Variants in LNX2 observed in about 807,000 individuals in gnomAD.
LNX2 encodes the protein ligand of Numb protein X 2.
A neutral mutation model predicts 66.2 loss-of-function variants in LNX2; 35 were observed. That is an observed-to-expected ratio of 0.53 (90% CI 0.40 to 0.70). The LOEUF (loss-of-function observed/expected upper bound fraction) is 0.70, where lower values mean the gene tolerates loss of function less well. Ranked by LOEUF, LNX2 falls within the 30% of genes least tolerant of loss-of-function variation. The pLI is 0.00. For missense variants in LNX2, 791 were observed against 850.8 expected (o/e 0.93, Z 0.87); for synonymous variants, 337 against 315.6 (o/e 1.07, Z -0.72).
intron 1 of LNX2, among the ~76,000 whole-genome samples, chr13:27,619,958 C>T (rs756448780): frequency 2.5e-4 from 38 of 152,178 alleles, no homozygotes; most frequent in Non-Finnish European, 4.6e-4. Flanking sequence ...CCGATAAAGG[C>T]AGCTAGTGCC....
intron 2 of LNX2, among the ~76,000 whole-genome samples, chr13:27,575,915 A>G (rs1279018243): frequency 6.6e-6 from 1 of 152,226 alleles, no homozygotes; most frequent in Admixed American, 6.5e-5. Flanking sequence ...AATGGAAGAA[A>G]TGGAGGAAAA....
intron 1 of LNX2, among the ~76,000 whole-genome samples, chr13:27,583,571 T>G (rs896536544): frequency 6.6e-6 from 1 of 152,028 alleles, no homozygotes; most frequent in African/African-American, 2.4e-5. Context: ...ATATAACTCT[T>G]AGAGCAGCCT....
intron 7 of LNX2, 138 bp downstream of exon 7, chr13:27,556,098 C>T (rs1955056667): frequency 1.3e-6 from 1 of 788,910 alleles, no homozygotes; most frequent in Non-Finnish European, 2.0e-6. Context: ...TGACTTTATG[C>T]TTCCATATGC....
At chr13:27,584,842 G>A (rs1030381251) in intron 1 of LNX2, among the ~76,000 whole-genome samples, 1 of 152,194 alleles carries the variant, frequency 6.6e-6, no homozygotes, top group Non-Finnish European at 1.5e-5. Context: ...GCAAGGCTGG[G>A]CACGGTGGCT....
At position 27,567,815 on chromosome 13, in the gene LNX2, G is replaced by A; in HGVS notation, c.680C>T (p.Pro227Leu). ...TTCAATCGTGGTGATTTCTCCTTCT[G>A]GTAAACTAAGTGGCTGTTGTGTGGC... Reference protein sequence around the residue: ...ADTTQQPLSLPEGEITTIEIH... With the variant: ...ADTTQQPLSLLEGEITTIEIH... The change falls in exon 4 of 10, where the codon CCA (proline) becomes CTA (leucine). Residue 227 changes from proline to leucine, a missense_variant. Pro to Leu is a moderately conservative substitution (Grantham distance 98). Coordinates refer to ENST00000316334, the MANE Select transcript of LNX2 (RefSeq NM_153371.4). 1.9e-6 allele frequency: 3 copies of A among 1,613,872 alleles called. No individual in the cohort carries two copies. The highest frequency in any genetic ancestry group is 1.7e-6 in the Non-Finnish European group (2 of 1,179,926).
rs56812051 is a variant in LNX2, at chr13:27,588,021, C to CAAAAAAAA, written c.-100-6226_-100-6219dup. On this transcript the variant is annotated intron_variant, in intron 1 of 9. Coordinates refer to ENST00000316334, the MANE Select transcript of LNX2 (RefSeq NM_153371.4). ...GGGCAAGAGTGCGAGACTCTTGTCA[C>CAAAAAAAA]AAAAAAAAAAAAAAAAAAAAAAAAA... 1.1e-3 allele frequency among the ~76,000 whole-genome samples: 104 copies of CAAAAAAAA among 93,490 alleles called. 4 individuals carry two copies. The highest frequency in any genetic ancestry group is 3.4e-3 in the African/African-American group (90 of 26,282). The allele number at this position is 93,490 out of a possible 152,430, so 61.3% of individuals were successfully genotyped here. A position where few individuals can be genotyped will look rare whatever the true frequency, so the allele number is the denominator to read the frequency against.
intron 1 of LNX2, among the ~76,000 whole-genome samples, chr13:27,589,642 G>C (rs759651526): frequency 2.6e-5 from 4 of 152,156 alleles, no homozygotes; most frequent in African/African-American, 9.6e-5. Context: ...AGTGCAAAGT[G>C]ATCAAGGCAA....
chr13:27,577,794 A>T (rs966281025), intron 2 of LNX2, among the ~76,000 whole-genome samples: 7 of 152,220 alleles, frequency 4.6e-5, no homozygotes, highest in Non-Finnish European at 7.3e-5. Flanking sequence ...AACAACAACA[A>T]CAACTAGCAC....
chr13:27,605,074 T>C (rs992988281), intron 1 of LNX2, among the ~76,000 whole-genome samples: 3 of 152,102 alleles, frequency 2.0e-5, no homozygotes. Context: ...TTTTTCCGGG[T>C]CCAGTCTCTG....
Position 27,548,393 on chromosome 13 carries a change from T to C in LNX2, c.2015A>G (p.Lys672Arg), listed in dbSNP as rs1200886663. ...MSHSALVPMLKEQRNKVTLTV... is the reference protein window; with the variant it reads ...MSHSALVPMLREQRNKVTLTV... ...CAGAGTGACTTTGTTCCTCTGCTCC[T>C]TCAACATGGGAACTAGTGCAGAGTG... The change falls in exon 10 of 10, where the codon AAG becomes AGG. Residue 672 changes from lysine (K) to arginine (R), a missense_variant. Lys to Arg is a conservative substitution (Grantham distance 26). Coordinates refer to ENST00000316334, the MANE Select transcript of LNX2 (RefSeq NM_153371.4). 9 of 1,614,144 alleles carry C rather than the reference T, an allele frequency of 5.6e-6. No homozygotes were observed. The highest frequency in any genetic ancestry group is 7.6e-6 in the Non-Finnish European group (9 of 1,179,968).
chr13:27,578,667 G>A (rs146043553), intron 2 of LNX2, among the ~76,000 whole-genome samples: 1 of 152,290 alleles, frequency 6.6e-6, no homozygotes, highest in Non-Finnish European at 1.5e-5. Flanking sequence ...CCCTGAGGCT[G>A]TCATGCTGGG....
intron 1 of LNX2, among the ~76,000 whole-genome samples, chr13:27,619,696 G>A (rs908497442): frequency 9.2e-5 from 14 of 152,278 alleles, no homozygotes; most frequent in East Asian, 3.9e-4. Flanking sequence ...AATACTAAAA[G>A]AAACACTACA....
intron 6 of LNX2, among the ~76,000 whole-genome samples, chr13:27,559,073 T>G (rs980875175): frequency 1.1e-4 from 16 of 152,154 alleles, no homozygotes; most frequent in Non-Finnish European, 1.8e-4. Flanking sequence ...TTTTAAAACT[T>G]CTGGCCCACT....
At chr13:27,565,050 T>C (rs775992774) in intron 4 of LNX2, among the ~76,000 whole-genome samples, 11 of 152,164 alleles carry the variant, frequency 7.2e-5, no homozygotes, top group Admixed American at 1.3e-4. Context: ...AGATGTAAGA[T>C]TGCCATTATT....
chr13:27,615,985 C>T (rs891230935), intron 1 of LNX2, among the ~76,000 whole-genome samples: 3 of 152,114 alleles, frequency 2.0e-5, no homozygotes, highest in Non-Finnish European at 4.4e-5. Context: ...AGAGATTTAT[C>T]GTGAGCCAAA....
chr13:27,610,785 A>C (rs1955764042), intron 1 of LNX2, among the ~76,000 whole-genome samples: 1 of 151,968 alleles, frequency 6.6e-6, no homozygotes. Context: ...CAATAAGAAC[A>C]AAAAAAACAG....
chr13:27,550,194 G>GT (rs1314328424), intron 9 of LNX2, 139 bp downstream of exon 9: 5 of 655,562 alleles, frequency 7.6e-6, no homozygotes, highest in Non-Finnish European at 1.3e-5. Context: ...ACATAAACCA[G>GT]TAAGTGTAGC....
intron 1 of LNX2, among the ~76,000 whole-genome samples, chr13:27,614,118 T>C (rs1296660252): frequency 6.6e-6 from 1 of 152,206 alleles, no homozygotes; most frequent in Non-Finnish European, 1.5e-5. Context: ...GGGAGAAATT[T>C]AGTTTATAGT....
Position 27,562,561 on chromosome 13 carries a change from GT to G in LNX2, c.1075del (p.Thr359GlnfsTer23). The G allele has an allele frequency of 6.2e-7, 1 of 1,614,144 alleles. No homozygotes were observed. The highest frequency in any genetic ancestry group is 8.5e-7 in the Non-Finnish European group (1 of 1,180,018). ...AAGAATAAAAACCCCTGGCTCATCTGTCCTTCGCACCAATTTAATGCCAAGC... is the reference window on the plus strand; with the variant it reads ...AAGAATAAAAACCCCTGGCTCATCTGCCTTCGCACCAATTTAATGCCAAGC... ...EQLGIKLVRR[T>X]DEPGVFILDL... On this transcript the variant is annotated frameshift_variant, in exon 5 of 10. Transcript: ENST00000316334. LOFTEE classifies it high-confidence loss of function.
Sources: allele counts gnomAD v4.1 joint callset (sites outside exome capture counted in the v4.1 genomes callset), GRCh38; gene constraint gnomAD v4.1.1; transcripts MANE v1.5; gene names NCBI Gene and HGNC (gene_info 2026-07-23, HGNC 2026-07-21).